Variants in SPEG observed in about 807,000 individuals in gnomAD.
The protein encoded by SPEG is striated muscle preferentially expressed protein kinase.
In SPEG, 114 loss-of-function variants were observed where a neutral mutation model predicts 300.4. That is an observed-to-expected ratio of 0.38 (90% confidence interval 0.33 to 0.44). SPEG has a LOEUF of 0.44. SPEG is among the 20% of genes least tolerant of loss of function. SPEG has a pLI of 1.00. For missense variants in SPEG, 4,201 were observed against 4,586.2 expected (o/e 0.92, Z 2.43); for synonymous variants, 1,964 against 2,018.9 (o/e 0.97, Z 0.73).
intron 6 of SPEG, among the ~76,000 whole-genome samples, chr2:219,454,138 G>T (rs907706146): frequency 6.6e-6 from 1 of 152,150 alleles, no homozygotes; most frequent in Non-Finnish European, 1.5e-5. Flanking sequence ...TCCCTCTTGG[G>T]GTCCACCCCA....
At chr2:219,482,034 C>A in intron 28 of SPEG, 1 of 390,508 alleles carries the variant, frequency 2.6e-6, no homozygotes, top group South Asian at 3.5e-5. Context: ...ACTGGTCCCA[C>A]ACAATAGCGT....
chr2:219,480,258 A>G lies in SPEG; in HGVS notation c.5342+118A>G. On this transcript the variant is annotated intron_variant, in intron 25 of 40. Coordinates refer to ENST00000312358, the MANE Select transcript of SPEG (RefSeq NM_005876.5). This position sits in a 1 kb window ranked among gnomAD's most constrained non-coding sequence, Gnocchi z 5.3. ...TGAATTCCTCCTGAAGGTGGGCTGGAGGCATTGTTTGCAGGGTCTCCTGCC... is the reference window on the plus strand; with the variant it reads ...TGAATTCCTCCTGAAGGTGGGCTGGGGGCATTGTTTGCAGGGTCTCCTGCC... 1 of 1,153,258 alleles carries G rather than the reference A, an allele frequency of 8.7e-7. No homozygotes were observed. Among genetic ancestry groups the G allele is most frequent in the Non-Finnish European group, 1.2e-6 (1 of 809,836 alleles). The allele number at this position is 1,153,258 out of a possible 1,614,324, so 71.4% of individuals were successfully genotyped here.
At chr2:219,463,355 TTTTTCA>T (rs1478811313) in intron 8 of SPEG, among the ~76,000 whole-genome samples, 1 of 151,562 alleles carries the variant, frequency 6.6e-6, no homozygotes, top group Non-Finnish European at 1.5e-5. Context: ...TTGAATTCTG[TTTTTCA>T]TTTTTAATTG....
Position 219,473,496 on chromosome 2 carries a change from C to T in SPEG, c.4148-8C>T. 1 of 1,613,692 alleles carries T rather than the reference C, an allele frequency of 6.2e-7. No individual in the cohort carries two copies. Among genetic ancestry groups the T allele is most frequent in the Non-Finnish European group, 8.5e-7 (1 of 1,179,892 alleles). On this transcript the variant is annotated splice_polypyrimidine_tract_variant and splice_region_variant and intron_variant, in intron 16 of 40. Transcript: ENST00000312358. The surrounding 1 kb of genome is among the most constrained non-coding windows in gnomAD (Gnocchi z 4.6). ...CCCAGCACAGAGCCTGCGCTCTCCTCCTCCCAGGCCCAACCCTGGAGGAGG... is the reference window on the plus strand; with the variant it reads ...CCCAGCACAGAGCCTGCGCTCTCCTTCTCCCAGGCCCAACCCTGGAGGAGG...
intron 1 of SPEG, chr2:219,441,525 G>A: frequency 2.1e-6 from 1 of 470,462 alleles, no homozygotes; most frequent in Non-Finnish European, 4.4e-6. Flanking sequence ...CACAGTGTGT[G>A]TGCGCGCATG....
chr2:219,447,907 C>A, intron 3 of SPEG, 67 bp from the exon 4 acceptor site: 1 of 1,473,848 alleles, frequency 6.8e-7, no homozygotes, highest in Middle Eastern at 1.7e-4. Context: ...CAATTCCTGT[C>A]ACAAGCTAAG....
Position 219,480,231 on chromosome 2 carries a change from C to A in SPEG, c.5342+91C>A. ...CTCACTGGCAGGGAGATTTACCGAG[C>A]CTGAATTCCTCCTGAAGGTGGGCTG... On this transcript the variant is annotated intron_variant, in intron 25 of 40. Transcript: ENST00000312358. This position sits in a 1 kb window ranked among gnomAD's most constrained non-coding sequence, Gnocchi z 5.3. The A allele has an allele frequency of 1.4e-6, 2 of 1,382,052 alleles. No homozygotes were observed. Among genetic ancestry groups the A allele is most frequent in the Non-Finnish European group, 1.0e-6 (1 of 996,606 alleles). 85.6% of individuals were successfully genotyped at this position (1,382,052 alleles called of 1,614,324 possible).
chr2:219,487,219 A>T (rs1693518541), intron 31 of SPEG, among the ~76,000 whole-genome samples: 1 of 152,148 alleles, frequency 6.6e-6, no homozygotes, highest in Non-Finnish European at 1.5e-5. Context: ...CAGGCTGGCT[A>T]CATTGGAGGA....
chr2:219,483,803 C>T lies in SPEG; in HGVS notation c.6340C>T (p.Pro2114Ser). The T allele has an allele frequency of 6.4e-7, 1 of 1,572,684 alleles. No homozygotes were observed. Among genetic ancestry groups the T allele is most frequent in the South Asian group, 1.1e-5 (1 of 87,804 alleles). The change falls in exon 30 of 41, where the codon CCC (proline) becomes TCC (serine). Residue 2114 changes from proline to serine, a missense_variant. Transcript: ENST00000312358. ...ACGAGCTGCCTCCAGCGAGGCAGCG[C>T]CCCACCACCAGCCCCCACTCGAGAA... is the stretch of plus-strand genomic sequence containing the variant. ...MARAASSEAAPHHQPPLENRG... is the reference protein window; with the variant it reads ...MARAASSEAASHHQPPLENRG...
chr2:219,438,071 G>A (rs920955878), intron 1 of SPEG, among the ~76,000 whole-genome samples: 1 of 152,098 alleles, frequency 6.6e-6, no homozygotes, highest in Non-Finnish European at 1.5e-5. Context: ...CTGGAAAGTT[G>A]GGGTCATGAG....
rs1692885410 is a variant in SPEG, at chr2:219,481,926, TG to T, written c.5565+248del. 2 of 594,678 alleles carry T rather than the reference TG, an allele frequency of 3.4e-6. No homozygotes were observed. Among genetic ancestry groups the T allele is most frequent in the East Asian group, 5.6e-5 (2 of 35,532 alleles). 36.8% of individuals were successfully genotyped at this position (594,678 alleles called of 1,614,324 possible). ...CATACTGGACTCCAGGGCATACGTC[TG>T]GACCTCTCCATCCTGGGCGTCCTCA... On this transcript the variant is annotated intron_variant, in intron 28 of 40. Transcript: ENST00000312358. The surrounding 1 kb of genome is among the most constrained non-coding windows in gnomAD (Gnocchi z 5.4).
In SPEG at chr2:219,483,950, G is replaced by A; in HGVS notation, c.6487G>A (p.Glu2163Lys). The change falls in exon 30 of 41, where the codon GAG becomes AAG. Residue 2163 changes from glutamate (E) to lysine (K), a missense_variant. Physicochemically the swap from Glu to Lys is moderately conservative, Grantham distance 56 (BLOSUM62 1). Coordinates refer to ENST00000312358, the MANE Select transcript of SPEG (RefSeq NM_005876.5). ...CAGGCTTGGGGCCCGTAGGCTACAG[G>A]AGTCTCCTTCCCTGTCTGCCCTCAG... Reference protein sequence around the residue: ...VARLGARRLQESPSLSALSEA... With the variant: ...VARLGARRLQKSPSLSALSEA... 6.2e-7 allele frequency: 1 copy of A among 1,607,106 alleles called. No individual in the cohort carries two copies. The highest frequency in any genetic ancestry group is 8.5e-7 in the Non-Finnish European group (1 of 1,179,806).
intron 1 of SPEG, among the ~76,000 whole-genome samples, chr2:219,440,136 A>G (rs1427055795): frequency 6.6e-6 from 1 of 152,216 alleles, no homozygotes; most frequent in Admixed American, 6.5e-5. Context: ...TCATCCCAGC[A>G]TTTTGGAATG....
Position 219,451,122 on chromosome 2 carries a change from C to T in SPEG, c.2114-14C>T, listed in dbSNP as rs771848924. 1 of 1,603,436 alleles carries T rather than the reference C, an allele frequency of 6.2e-7. No individual in the cohort carries two copies. The highest frequency in any genetic ancestry group is 8.5e-7 in the Non-Finnish European group (1 of 1,175,266). ...GATCATGGCCCCTTACCCCGTTATT[C>T]CTGTGTCCGGCAGAGTCTTCGGATG... On this transcript the variant is annotated splice_polypyrimidine_tract_variant and intron_variant, in intron 4 of 40. Coordinates refer to ENST00000312358, the MANE Select transcript of SPEG (RefSeq NM_005876.5). This position sits in a 1 kb window ranked among gnomAD's most constrained non-coding sequence, Gnocchi z 6.4.
chr2:219,477,818 G>A lies in SPEG; in HGVS notation c.4826+33G>A, dbSNP rs375929387. The A allele has an allele frequency of 6.7e-4, 1,070 of 1,593,372 alleles. No individual in the cohort carries two copies. The highest frequency in any genetic ancestry group is 8.6e-4 in the Non-Finnish European group (1,001 of 1,165,710). On this transcript the variant is annotated intron_variant, in intron 21 of 40. Transcript: ENST00000312358. The surrounding 1 kb of genome is among the most constrained non-coding windows in gnomAD (Gnocchi z 6.4). Reference sequence around the variant, plus strand: ...GCTAGGAGGGAAGCCAGTGGGGGCCGAGAGAGGCTGCTGGGTCTGAGGGTT... The same window carrying A: ...GCTAGGAGGGAAGCCAGTGGGGGCCAAGAGAGGCTGCTGGGTCTGAGGGTT...
chr2:219,472,303 C>G lies in SPEG; in HGVS notation c.3912C>G (p.Asn1304Lys). Residue 1304 changes from asparagine to lysine, a missense_variant, in exon 15 of 41, where the codon AAC becomes AAG. Physicochemically the swap from Asn to Lys is moderately conservative, Grantham distance 94 (BLOSUM62 0). This residue lies in a region of SPEG where 1,047 missense variants were observed against 1,356.8 expected (regional missense o/e 0.77). Coordinates refer to ENST00000312358, the MANE Select transcript of SPEG (RefSeq NM_005876.5). ...VTGRMVTLTWNPPRSLDMAID... is the reference protein window; with the variant it reads ...VTGRMVTLTWKPPRSLDMAID... ...GGAGGATGGTCACACTCACATGGAA[C>G]CCCCCCAGGAGTCTGGACATGGCCA... The G allele has an allele frequency of 6.2e-7, 1 of 1,613,402 alleles. No homozygotes were observed. Among genetic ancestry groups the G allele is most frequent in the Non-Finnish European group, 8.5e-7 (1 of 1,179,706 alleles).
Position 219,469,177 on chromosome 2 carries a change from A to G in SPEG, c.3513A>G (p.Pro1171=), listed in dbSNP as rs758603586. 6.2e-7 allele frequency: 1 copy of G among 1,613,892 alleles called. No homozygotes were observed. The highest frequency in any genetic ancestry group is 1.1e-5 in the South Asian group (1 of 91,074). The stretch of plus-strand genomic sequence containing the variant: ...GCAGCTCGAAGCTGGAGAAGATGCC[A>G]TCCATTCCCGAGGAGCCAGAGCAGG... ...SGPSSKLEKM[P]SIPEEPEQGE... Residue 1171 remains proline (P), a synonymous_variant, in exon 13 of 41, where the codon CCA becomes CCG. Coordinates refer to ENST00000312358, the MANE Select transcript of SPEG (RefSeq NM_005876.5).
chr2:219,462,038 A>G lies in SPEG; in HGVS notation c.2597A>G (p.Lys866Arg), dbSNP rs764008098. 69 of 1,607,054 alleles carry G rather than the reference A, an allele frequency of 4.3e-5. No individual in the cohort carries two copies. The East Asian group carries it at 1.5e-3, about 34-fold the overall frequency. The change falls in exon 7 of 41, where the codon AAG (lysine) becomes AGG (arginine). Residue 866 changes from lysine to arginine, a missense_variant. Lys to Arg is a conservative substitution (Grantham distance 26). This residue lies in a region of SPEG where 1,258 missense variants were observed against 1,293.9 expected (regional missense o/e 0.97). Coordinates refer to ENST00000312358, the MANE Select transcript of SPEG (RefSeq NM_005876.5). ...QNRRSSDTGS[K>R]APPTFKVSLM... ...CGCCGTTCTTCTGACACTGGCTCCA[A>G]GGCACCCCCCACCTTCAAGGTCAGA...
intron 22 of SPEG, 117 bp downstream of exon 22, chr2:219,478,222 G>A: frequency 2.3e-6 from 2 of 854,222 alleles, no homozygotes; most frequent in Non-Finnish European, 3.6e-6. Context: ...ACAATTGGGA[G>A]GGATACATCT....
Sources: gnomAD v4.1 joint callset for allele counts (sites outside exome capture counted in the v4.1 genomes callset) on GRCh38, gnomAD v4.1.1 for gene constraint, gnomAD v4.1.1 regional missense constraint, Gnocchi (gnomAD v3.1) non-coding constraint, MANE v1.5 for transcripts, NCBI Gene and HGNC (gene_info 2026-07-23, HGNC 2026-07-21) for gene names.